DNAH6: variants seen among roughly 807,000 people sequenced by gnomAD.
DNAH6 encodes the protein dynein axonemal heavy chain 6.
A neutral mutation model predicts 491.4 loss-of-function variants in DNAH6; 340 were observed. The ratio of observed to expected loss-of-function variants is 0.69; its 90% CI spans 0.63 to 0.76. The LOEUF (loss-of-function observed/expected upper bound fraction) is 0.76. Among genes scored for constraint, DNAH6 ranks in the 30% least tolerant of loss-of-function variants. DNAH6 has a pLI of 0.00. For synonymous variants in DNAH6, 1,603 were observed against 1,686.1 expected, an observed-to-expected ratio of 0.95 and a Z score of 1.21; for missense variants, 4,443 against 4,972.2, an observed-to-expected ratio of 0.89 and a Z score of 3.20.
chr2:84,793,346 A>G (rs1677970464), intron 68 of DNAH6, among the ~76,000 whole-genome samples: 1 of 152,244 alleles, frequency 6.6e-6, no homozygotes, highest in Non-Finnish European at 1.5e-5. Context: ...TTGTTTACTC[A>G]GTTTGACCCA....
intron 12 of DNAH6, among the ~76,000 whole-genome samples, chr2:84,576,452 G>T (rs145783744): frequency 6.6e-6 from 1 of 152,226 alleles, no homozygotes; most frequent in East Asian, 1.9e-4. Flanking sequence ...GGTGGTGGAG[G>T]AAGATTATGG....
chr2:84,594,089 G>A lies in DNAH6; in HGVS notation c.2724+4G>A. ...ACTCCAACAAGAATGGTTAAAGGTA[G>A]GGGAAAAAAGCCTTCAGTTCTCAAA... On this transcript the variant is annotated splice_donor_region_variant and intron_variant, in intron 17 of 76. Coordinates refer to ENST00000389394, the MANE Select transcript of DNAH6 (RefSeq NM_001370.2). The A allele has an allele frequency of 1.4e-6, 2 of 1,450,182 alleles. No homozygotes were observed. The highest frequency in any genetic ancestry group is 1.9e-6 in the Non-Finnish European group (2 of 1,064,570). 89.8% of individuals were successfully genotyped at this position (1,450,182 alleles called of 1,614,324 possible).
At chr2:84,470,911 T>C in the DNAH6 span, among the ~76,000 whole-genome samples, 1 of 152,184 alleles carries the variant, frequency 6.6e-6, no homozygotes, top group East Asian at 1.9e-4. Context: ...CTGGGAGCCA[T>C]GCTATTTATT....
intron 61 of DNAH6, among the ~76,000 whole-genome samples, chr2:84,731,383 G>A (rs1699100965): frequency 6.6e-6 from 1 of 152,238 alleles, no homozygotes; most frequent in African/African-American, 2.4e-5. Flanking sequence ...CTCCACTGAG[G>A]AGACTGAGGC....
chr2:84,467,571 A>C, the DNAH6 span, among the ~76,000 whole-genome samples: 1 of 152,174 alleles, frequency 6.6e-6, no homozygotes, highest in Non-Finnish European at 1.5e-5. Context: ...TGAGAGTCAT[A>C]GTGGCATTTT....
intron 56 of DNAH6, among the ~76,000 whole-genome samples, chr2:84,712,194 T>C (rs1404689585): frequency 6.6e-6 from 1 of 152,210 alleles, no homozygotes; most frequent in Non-Finnish European, 1.5e-5. Context: ...GTTTAGACCA[T>C]CTCAATCAAC....
chr2:84,809,091 G>A (rs1299753628), intron 72 of DNAH6, among the ~76,000 whole-genome samples: 1 of 152,142 alleles, frequency 6.6e-6, no homozygotes, highest in Admixed American at 6.6e-5. Flanking sequence ...ACTAAAATTT[G>A]CAAACACCTG....
intron 41 of DNAH6, among the ~76,000 whole-genome samples, chr2:84,678,319 C>T (rs984520884): frequency 1.3e-5 from 2 of 152,090 alleles, no homozygotes; most frequent in African/African-American, 4.8e-5. Context: ...GACATAACAG[C>T]AACCACCAAA....
intron 52 of DNAH6, among the ~76,000 whole-genome samples, 174 bp from the exon 53 acceptor site, chr2:84,706,722 C>T (rs1222142341): frequency 6.6e-6 from 1 of 152,060 alleles, no homozygotes; most frequent in Non-Finnish European, 1.5e-5. Context: ...TCATTTACTT[C>T]TGTTCTTGTA....
intron 11 of DNAH6, among the ~76,000 whole-genome samples, chr2:84,564,624 T>C (rs1558722480): frequency 6.6e-6 from 1 of 152,194 alleles, no homozygotes; most frequent in Admixed American, 6.5e-5. Context: ...TAGAATTATA[T>C]CATCAGCAAA....
intron 15 of DNAH6, among the ~76,000 whole-genome samples, chr2:84,585,242 C>T (rs1243573359): frequency 2.0e-5 from 3 of 152,194 alleles, no homozygotes; most frequent in Admixed American, 2.0e-4. Context: ...GTATCCACTA[C>T]TCATATCAAT....
chr2:84,738,593 T>C (rs1672225094), intron 62 of DNAH6, among the ~76,000 whole-genome samples: 1 of 152,210 alleles, frequency 6.6e-6, no homozygotes, highest in Non-Finnish European at 1.5e-5. Context: ...TATCATTATT[T>C]AATGCCCTTC....
intron 38 of DNAH6, 30 bp from the exon 39 acceptor site, chr2:84,670,298 G>T: frequency 7.1e-7 from 1 of 1,409,428 alleles, no homozygotes; most frequent in Non-Finnish European, 9.7e-7. Flanking sequence ...TTATATTCAT[G>T]TGACATTAAT....
intron 11 of DNAH6, among the ~76,000 whole-genome samples, chr2:84,563,646 G>C (rs2104633925): frequency 6.6e-6 from 1 of 152,196 alleles, no homozygotes; most frequent in South Asian, 2.1e-4. Context: ...CATTATGTAG[G>C]TTGTGTGTTT....
chr2:84,499,387 G>A, the DNAH6 span, among the ~76,000 whole-genome samples: 4 of 152,080 alleles, frequency 2.6e-5, no homozygotes, highest in Non-Finnish European at 5.9e-5. Flanking sequence ...TTCTTTTTAT[G>A]GCTAAATAGT....
intron 18 of DNAH6, among the ~76,000 whole-genome samples, chr2:84,603,128 G>A (rs1685422741): frequency 6.6e-6 from 1 of 151,830 alleles, no homozygotes; most frequent in South Asian, 2.1e-4. Flanking sequence ...TAGATGTGTG[G>A]TTTTTCTTGC....
chr2:84,734,495 A>G (rs1474446135), intron 62 of DNAH6, among the ~76,000 whole-genome samples: 1 of 152,170 alleles, frequency 6.6e-6, no homozygotes, highest in Non-Finnish European at 1.5e-5. Context: ...CATTCTGGAA[A>G]TTATACTCAT....
At chr2:84,657,394 T>C (rs1430801817) in intron 35 of DNAH6, among the ~76,000 whole-genome samples, 1 of 152,062 alleles carries the variant, frequency 6.6e-6, no homozygotes, top group East Asian at 1.9e-4. Context: ...TGAGATTGTG[T>C]TGAATTTATA....
At chr2:84,562,010 A>AG (rs1255153723) in intron 11 of DNAH6, among the ~76,000 whole-genome samples, 1 of 152,206 alleles carries the variant, frequency 6.6e-6, no homozygotes. Context: ...GCCTAAAAAA[A>AG]GATAGATACA....
Sources: allele counts gnomAD v4.1 joint callset (sites outside exome capture counted in the v4.1 genomes callset), GRCh38; gene constraint gnomAD v4.1.1; transcripts MANE v1.5; gene names NCBI Gene and HGNC (gene_info 2026-07-23, HGNC 2026-07-21).